Variants in KRTAP10-2 observed in about 807,000 individuals in gnomAD.
KRTAP10-2 encodes the protein keratin-associated protein 10-2.
For synonymous variants in KRTAP10-2, 134 were observed against 135.5 expected, an observed-to-expected ratio of 0.99 and a Z score of 0.08; for missense variants, 295 against 319.5, an observed-to-expected ratio of 0.92 and a Z score of 0.58.
At position 44,551,498 on chromosome 21, in the gene KRTAP10-2, G is replaced by C; in HGVS notation, c.-40C>G. The C allele has an allele frequency of 1.4e-6, 2 of 1,427,342 alleles. No individual in the cohort carries two copies. The highest frequency in any genetic ancestry group is 1.8e-6 in the Non-Finnish European group (2 of 1,094,674). The allele number at this position is 1,427,342 out of a possible 1,614,324, so 88.4% of individuals were successfully genotyped here. A position where few individuals can be genotyped will look rare whatever the true frequency, so the allele number is the denominator to read the frequency against. On this transcript the variant is annotated 5_prime_UTR_variant, in exon 1 of 1. Coordinates refer to ENST00000391621, the MANE Select transcript of KRTAP10-2 (RefSeq NM_198693.4). ...GAGGTGAGCTGGGGGAGGTGTGTGA[G>C]TGAGTGAGTGTGTGTGTGAGTGTGT...
In KRTAP10-2 at chr21:44,551,207, G is replaced by C; in HGVS notation, c.252C>G (p.Ser84Arg). 6.3e-7 allele frequency: 1 copy of C among 1,586,474 alleles called. No homozygotes were observed. Among genetic ancestry groups the C allele is most frequent in the Non-Finnish European group, 8.7e-7 (1 of 1,155,718 alleles). ...SCTPSCCQQS[S>R]CQPACCTSSP... ...AGGAGGTGCAGCAAGCCGGCTGGCA[G>C]CTAGACTGCTGGCAGCACGAGGGCG... is the stretch of plus-strand genomic sequence containing the variant. The change falls in exon 1 of 1, where the codon AGC (serine) becomes AGG (arginine). Residue 84 changes from serine (S) to arginine (R), a missense_variant. Coordinates refer to ENST00000391621, the MANE Select transcript of KRTAP10-2 (RefSeq NM_198693.4).
In KRTAP10-2 at chr21:44,550,795, A is replaced by C; in HGVS notation, c.664T>G (p.Ser222Ala). Reference sequence around the variant, plus strand: ...GAGGAGGAGGGTCTGCAGCAGGAGGAGGTGCAGCAAGCTGGCTGGCAGCTA... The same window carrying C: ...GAGGAGGAGGGTCTGCAGCAGGAGGCGGTGCAGCAAGCTGGCTGGCAGCTA... ...QSSCQPACCT[S>A]SCCRPSSSVS... Residue 222 changes from serine to alanine, a missense_variant, in exon 1 of 1, where the codon TCC (serine) becomes GCC (alanine). By Grantham distance (99) the Ser-to-Ala change is moderately conservative (BLOSUM62 1). Transcript: ENST00000391621. 2 of 1,612,370 alleles carry C rather than the reference A, an allele frequency of 1.2e-6. No individual in the cohort carries two copies. The highest frequency in any genetic ancestry group is 1.7e-6 in the Non-Finnish European group (2 of 1,179,028).
Position 44,550,589 on chromosome 21 carries a change from C to T in KRTAP10-2, c.*102G>A. 6.6e-7 allele frequency: 1 copy of T among 1,512,752 alleles called. No homozygotes were observed. Among genetic ancestry groups the T allele is most frequent in the Admixed American group, 1.9e-5 (1 of 52,426 alleles). 93.7% of individuals were successfully genotyped at this position (1,512,752 alleles called of 1,614,324 possible). A position where few individuals can be genotyped will look rare whatever the true frequency, so the allele number is the denominator to read the frequency against. ...GGCTGGGCGGCTGTGGCTGGGGCTG[C>T]TCCTTCTGTGCTGAGCTGTGCTGAG... On this transcript the variant is annotated 3_prime_UTR_variant, in exon 1 of 1. Coordinates refer to ENST00000391621, the MANE Select transcript of KRTAP10-2 (RefSeq NM_198693.4).
rs1349282758 is a variant in KRTAP10-2, at chr21:44,550,572, G to A, written c.*119C>T. On this transcript the variant is annotated 3_prime_UTR_variant, in exon 1 of 1. Coordinates refer to ENST00000391621, the MANE Select transcript of KRTAP10-2 (RefSeq NM_198693.4). ...AGCATCTGAGACCCCGGGGCTGGGC[G>A]GCTGTGGCTGGGGCTGCTCCTTCTG... 68 of 1,431,038 alleles carry A rather than the reference G, an allele frequency of 4.8e-5. No individual in the cohort carries two copies. Among genetic ancestry groups the A allele is most frequent in the South Asian group, 1.7e-4 (13 of 74,790 alleles). 88.6% of individuals were successfully genotyped at this position (1,431,038 alleles called of 1,614,324 possible). A position where few individuals can be genotyped will look rare whatever the true frequency, so the allele number is the denominator to read the frequency against.
At position 44,550,874 on chromosome 21, in the gene KRTAP10-2, G is replaced by A. The variant is rs1412506931; in HGVS notation, c.585C>T (p.Ser195=). 4 of 1,532,796 alleles carry A rather than the reference G, an allele frequency of 2.6e-6. No homozygotes were observed. Among genetic ancestry groups the A allele is most frequent in the Non-Finnish European group, 3.5e-6 (4 of 1,129,262 alleles). 94.9% of individuals were successfully genotyped at this position (1,532,796 alleles called of 1,614,324 possible). A position where few individuals can be genotyped will look rare whatever the true frequency, so the allele number is the denominator to read the frequency against. Residue 195 remains serine, a synonymous_variant, in exon 1 of 1, where the codon TCC becomes TCT. Transcript: ENST00000391621. ...CAGAGCAAACAGGTACACAGCAGAT[G>A]GACTTGCAGCAGACAGGCTTGCAGC... ...SVCCKPVCCK[S]ICCVPVCSGA...
chr21:44,551,088 G>A lies in KRTAP10-2; in HGVS notation c.371C>T (p.Ser124Phe), dbSNP rs2053418571. The change falls in exon 1 of 1, where the codon TCT becomes TTT. Residue 124 changes from serine (S) to phenylalanine (F), a missense_variant. Ser to Phe is a radical substitution (Grantham distance 155, BLOSUM62 -2). Transcript: ENST00000391621. The stretch of plus-strand genomic sequence containing the variant: ...GGCACAGCAAGCTGGCTGGCAGCTA[G>A]ACTGCTGGCAGCATGAAGAAGCCCC... ...CCGASSCCQQ[S>F]SCQPACCASS... is the part of the protein sequence containing the mutation. 1 of 1,574,760 alleles carries A rather than the reference G, an allele frequency of 6.4e-7. No homozygotes were observed. Among genetic ancestry groups the A allele is most frequent in the African/African-American group, 1.4e-5 (1 of 73,300 alleles).
At chr21:44,550,784 G>T (rs782475643) in intron 1 of KRTAP10-2, 1 of 1,614,222 alleles carries the variant, frequency 6.2e-7, no homozygotes, top group Non-Finnish European at 8.5e-7. Flanking sequence ...AGGAGGGTCT[G>T]CAGCAGGAGG....
At position 44,550,667 on chromosome 21, in the gene KRTAP10-2, G is replaced by C. The variant is rs143732154; in HGVS notation, c.*24C>G. The C allele has an allele frequency of 6.2e-7, 1 of 1,610,060 alleles. No individual in the cohort carries two copies. Among genetic ancestry groups the C allele is most frequent in the African/African-American group, 1.3e-5 (1 of 74,878 alleles). On this transcript the variant is annotated 3_prime_UTR_variant, in exon 1 of 1. Coordinates refer to ENST00000391621, the MANE Select transcript of KRTAP10-2 (RefSeq NM_198693.4). The stretch of plus-strand genomic sequence containing the variant: ...TGGCAGGGAGGTGGGGCCTGAGCCC[G>C]GCTGGCCCTGGGGGACATGGCCATC...
In KRTAP10-2 at chr21:44,550,634, C is replaced by T. The variant is rs2053397577; in HGVS notation, c.*57G>A. On this transcript the variant is annotated 3_prime_UTR_variant, in exon 1 of 1. Coordinates refer to ENST00000391621, the MANE Select transcript of KRTAP10-2 (RefSeq NM_198693.4). ...GCTGAGGCTGGGTGGGCTGGGAGGT[C>T]CAAGGACTGGCAGGGAGGTGGGGCC... The T allele has an allele frequency of 6.3e-7, 1 of 1,593,852 alleles. No individual in the cohort carries two copies. The highest frequency in any genetic ancestry group is 1.1e-5 in the South Asian group (1 of 87,176).
In KRTAP10-2 at chr21:44,550,947, G is replaced by GC. The variant is rs782667674; in HGVS notation, n.127-274dup. Reference sequence around the variant, plus strand: ...CTGACACGGGGAGGAGGTGCAGCAAGCCGGCTGGCAGCTAGACTGCTGGCA... The same window carrying GC: ...CTGACACGGGGAGGAGGTGCAGCAAGCCCGGCTGGCAGCTAGACTGCTGGCA... On this transcript the variant is annotated intron_variant and non_coding_transcript_variant, in intron 1 of 1. Transcript: ENST00000498210. 2.7e-6 allele frequency: 4 copies of GC among 1,503,744 alleles called. No individual in the cohort carries two copies. The African/African-American group carries it at 5.6e-5, about 21-fold the overall frequency. The allele number at this position is 1,503,744 out of a possible 1,614,324, so 93.2% of individuals were successfully genotyped here. A position where few individuals can be genotyped will look rare whatever the true frequency, so the allele number is the denominator to read the frequency against.
At position 44,551,316 on chromosome 21, in the gene KRTAP10-2, G is replaced by A; in HGVS notation, c.143C>T (p.Thr48Ile). Residue 48 changes from threonine to isoleucine, a missense_variant, in exon 1 of 1, where the codon ACC becomes ATC. Coordinates refer to ENST00000391621, the MANE Select transcript of KRTAP10-2 (RefSeq NM_198693.4). The part of the protein sequence containing the change: ...APAPCLTLVC[T>I]PVSCVSSPCC... ...GGGGCTGGACACACAGCTCACTGGG[G>A]TGCAGACCAGGGTCAGGCAGGGGGC... The A allele has an allele frequency of 1.2e-6, 2 of 1,613,330 alleles. No homozygotes were observed. The highest frequency in any genetic ancestry group is 2.7e-5 in the African/African-American group (2 of 75,044).
rs1555918472 is a variant in KRTAP10-2, at chr21:44,550,681, G to C, written c.*10C>G. ...GGCCTGAGCCCGGCTGGCCCTGGGGGACATGGCCATCAGCAGCTAGACTTT... is the reference window on the plus strand; with the variant it reads ...GGCCTGAGCCCGGCTGGCCCTGGGGCACATGGCCATCAGCAGCTAGACTTT... On this transcript the variant is annotated 3_prime_UTR_variant, in exon 1 of 1. Transcript: ENST00000391621. The C allele has an allele frequency of 2.5e-6, 4 of 1,613,132 alleles. No individual in the cohort carries two copies. The highest frequency in any genetic ancestry group is 3.4e-6 in the Non-Finnish European group (4 of 1,179,728).
chr21:44,550,818 C>T lies in KRTAP10-2; in HGVS notation c.641G>A (p.Ser214Asn), dbSNP rs782779314. Residue 214 changes from serine (S) to asparagine (N), a missense_variant, in exon 1 of 1, where the codon AGC (serine) becomes AAC (asparagine). By Grantham distance (46) the Ser-to-Asn change is conservative. Transcript: ENST00000391621. ...GGAGGTGCAGCAAGCTGGCTGGCAG[C>T]TAGACTGCTGGCAGCACGGAGAGGA... ...GASSPCCQQS[S>N]CQPACCTSSC... 6 of 1,535,230 alleles carry T rather than the reference C, an allele frequency of 3.9e-6. No homozygotes were observed. In the African/African-American group the frequency reaches 6.9e-5, roughly 18 times the overall value.
Position 44,550,843 on chromosome 21 carries a change from A to T in KRTAP10-2, c.616T>A (p.Ser206Thr), listed in dbSNP as rs1483180452. ...ICCVPVCSGA[S>T]SPCCQQSSCQ... ...CTAGACTGCTGGCAGCACGGAGAGG[A>T]AGCCCCAGAGCAAACAGGTACACAG... The change falls in exon 1 of 1, where the codon TCC (serine) becomes ACC (threonine). Residue 206 changes from serine (S) to threonine (T), a missense_variant. Coordinates refer to ENST00000391621, the MANE Select transcript of KRTAP10-2 (RefSeq NM_198693.4). The T allele has an allele frequency of 1.3e-6, 2 of 1,528,660 alleles. No homozygotes were observed. Among genetic ancestry groups the T allele is most frequent in the Non-Finnish European group, 1.8e-6 (2 of 1,127,560 alleles). 94.7% of individuals were successfully genotyped at this position (1,528,660 alleles called of 1,614,324 possible).
In KRTAP10-2 at chr21:44,551,366, G is replaced by A. The variant is rs1247130636; in HGVS notation, c.93C>T (p.Cys31=). Residue 31 remains cysteine, a synonymous_variant, in exon 1 of 1, where the codon TGC becomes TGT. Transcript: ENST00000391621. ...DCPESCCELP[C]GTPSCCAPAP... ...CTGGGGCACAGCAGCTGGGGGTGCC[G>A]CAGGGGAGCTCACAGCAGCTCTCTG... 4.0e-5 allele frequency: 64 copies of A among 1,613,048 alleles called. No homozygotes were observed. Among genetic ancestry groups the A allele is most frequent in the Middle Eastern group, 1.9e-4 (1 of 5,368 alleles).
chr21:44,551,111 C>T lies in KRTAP10-2; in HGVS notation c.348G>A (p.Gly116=), dbSNP rs1555918720. ...TAGACTGCTGGCAGCATGAAGAAGC[C>T]CCACAGCAGACGGGCACACAGCACA... ...KPVCCVPVCC[G]ASSCCQQSSC... The change falls in exon 1 of 1, where the codon GGG becomes GGA. Residue 116 remains glycine (G), a synonymous_variant. Transcript: ENST00000391621. 6.4e-7 allele frequency: 1 copy of T among 1,557,776 alleles called. No individual in the cohort carries two copies. The highest frequency in any genetic ancestry group is 8.8e-7 in the Non-Finnish European group (1 of 1,139,798).
rs2053422419 is a variant in KRTAP10-2 at position 44,551,156 on chromosome 21, C to T, written c.303G>A (p.Val101=). Residue 101 remains valine, a synonymous_variant, in exon 1 of 1, where the codon GTG becomes GTA. Transcript: ENST00000391621. The part of the protein sequence containing the change: ...TSSPCQQACC[V]PVCCKPVCCV... ...AGCACACAGGCTTGCAGCAGACGGG[C>T]ACGCAGCAGGCCTGCTGGCAGGGGG... The T allele has an allele frequency of 6.4e-7, 1 of 1,564,214 alleles. No individual in the cohort carries two copies. The highest frequency in any genetic ancestry group is 1.1e-5 in the South Asian group (1 of 88,066).
In KRTAP10-2 at chr21:44,550,657, G is replaced by A. The variant is rs1555918447; in HGVS notation, c.*34C>T. The A allele has an allele frequency of 6.2e-7, 1 of 1,606,970 alleles. No individual in the cohort carries two copies. Among genetic ancestry groups the A allele is most frequent in the East Asian group, 2.2e-5 (1 of 44,850 alleles). ...GTCCAAGGACTGGCAGGGAGGTGGG[G>A]CCTGAGCCCGGCTGGCCCTGGGGGA... On this transcript the variant is annotated 3_prime_UTR_variant, in exon 1 of 1. Transcript: ENST00000391621.
rs372190068 is a variant in KRTAP10-2 at position 44,550,747 on chromosome 21, C to A, written c.712G>T (p.Val238Leu). ...CTGCAGGAGGCTGGGCGGGAGCACA[C>A]GGGGCGGCAGAGGAGGGACACAGAG... is the stretch of plus-strand genomic sequence containing the variant. ...SSSVSLLCRP[V>L]CSRPASCSFS... Residue 238 changes from valine (V) to leucine (L), a missense_variant, in exon 1 of 1, where the codon GTG becomes TTG. Val to Leu is a conservative substitution (Grantham distance 32). Transcript: ENST00000391621. 9 of 1,613,994 alleles carry A rather than the reference C, an allele frequency of 5.6e-6. No homozygotes were observed. The highest frequency in any genetic ancestry group is 7.6e-6 in the Non-Finnish European group (9 of 1,180,022).
Sources: allele counts gnomAD v4.1 joint callset, GRCh38; gene constraint gnomAD v4.1.1; transcripts MANE v1.5; gene names NCBI Gene and HGNC (gene_info 2026-07-23, HGNC 2026-07-21).